CHD7: variants seen among roughly 807,000 people sequenced by gnomAD.
CHD7 encodes ATP-dependent chromatin remodeler CHD7.
Under a neutral mutation model 307.3 loss-of-function variants are expected in CHD7, and 24 were observed. That is an observed-to-expected ratio of 0.08 (90% CI 0.06 to 0.11). The LOEUF (loss-of-function observed/expected upper bound fraction) is 0.11, where lower values mean the gene tolerates loss of function less well. CHD7 is among the 10% of genes least tolerant of loss of function. The pLI, the probability that CHD7 is intolerant of heterozygous loss-of-function variation, is 1.00. For synonymous variants in CHD7, 1,363 were observed against 1,349.9 expected, an observed-to-expected ratio of 1.01 and a Z score of -0.21; for missense variants, 3,106 against 3,727.1, an observed-to-expected ratio of 0.83 and a Z score of 4.34.
Position 60,830,651 on chromosome 8 carries a change from G to T in CHD7, c.3778+74G>T. The T allele has an allele frequency of 1.3e-6, 2 of 1,532,930 alleles. 1 individual carries two copies. Among genetic ancestry groups the T allele is most frequent in the South Asian group, 2.4e-5 (2 of 82,986 alleles). 95.0% of individuals were successfully genotyped at this position (1,532,930 alleles called of 1,614,324 possible). On this transcript the variant is annotated intron_variant, in intron 15 of 37. Coordinates refer to ENST00000423902, the MANE Select transcript of CHD7 (RefSeq NM_017780.4). ...AGAAATCCCTTTCTGCCCCCAGACT[G>T]GGGATTTCATGGTGTATAGTCATTC...
intron 35 of CHD7, 66 bp downstream of exon 35, chr8:60,861,191 C>T (rs543514870): frequency 3.6e-5 from 44 of 1,225,004 alleles, no homozygotes; most frequent in Non-Finnish European, 4.6e-5. Context: ...TCCCTTACAA[C>T]ATAGAAATCC....
intron 6 of CHD7, among the ~76,000 whole-genome samples, chr8:60,805,298 G>A (rs1586358772): frequency 6.6e-6 from 1 of 152,156 alleles, no homozygotes. Context: ...TATATGAAAG[G>A]AACGGTGAAA....
At chr8:60,721,517 G>A (rs1350683444) in intron 1 of CHD7, among the ~76,000 whole-genome samples, 15 of 152,220 alleles carry the variant, frequency 9.9e-5, no homozygotes, top group Admixed American at 9.8e-4. Context: ...GAGATTGTTG[G>A]AGAACCACAG....
intron 1 of CHD7, among the ~76,000 whole-genome samples, chr8:60,740,601 AT>A (rs1052310193): frequency 2.6e-5 from 4 of 152,250 alleles, no homozygotes; most frequent in African/African-American, 9.6e-5. Context: ...ACATAATGAA[AT>A]TATGAATTTA....
chr8:60,684,241 C>T (rs1805769033), intron 1 of CHD7, among the ~76,000 whole-genome samples: 1 of 152,198 alleles, frequency 6.6e-6, no homozygotes, highest in African/African-American at 2.4e-5. Context: ...GAATCTAAGG[C>T]ACTTTTTAAA....
chr8:60,782,294 C>T (rs1177489905), intron 3 of CHD7, among the ~76,000 whole-genome samples: 1 of 152,176 alleles, frequency 6.6e-6, no homozygotes, highest in East Asian at 1.9e-4. Context: ...CTCATGTGCA[C>T]GTGTAAACAC....
At chr8:60,780,612 T>C (rs569532448) in intron 2 of CHD7, among the ~76,000 whole-genome samples, 29 of 152,234 alleles carry the variant, frequency 1.9e-4, no homozygotes, top group Non-Finnish European at 4.0e-4. Context: ...TTATTTGAGC[T>C]CCCATTCCCA....
chr8:60,862,120 A>C (rs960785015), intron 35 of CHD7, 76 bp from the exon 36 acceptor site: 14 of 1,090,224 alleles, frequency 1.3e-5, no homozygotes, highest in African/African-American at 6.4e-5. Flanking sequence ...ATGATCTGAC[A>C]GTTCTCTTTG....
chr8:60,788,526 T>G (rs1444716072), intron 3 of CHD7, among the ~76,000 whole-genome samples: 1 of 152,232 alleles, frequency 6.6e-6, no homozygotes, highest in Non-Finnish European at 1.5e-5. Context: ...AAAACAGAAT[T>G]CTTCCCTCTT....
chr8:60,795,841 CAG>C (rs1812002928), intron 4 of CHD7, among the ~76,000 whole-genome samples: 1 of 152,138 alleles, frequency 6.6e-6, no homozygotes, highest in African/African-American at 2.4e-5. Context: ...GGAAGCATGC[CAG>C]TGTGGTCCAC....
At chr8:60,845,515 G>C (rs1309258458) in intron 23 of CHD7, 106 bp downstream of exon 23, 10 of 1,298,832 alleles carry the variant, frequency 7.7e-6, no homozygotes, top group Non-Finnish European at 1.1e-5. Context: ...TCGCAGATTT[G>C]GAGGGTCAAC....
intron 32 of CHD7, 44 bp from the exon 33 acceptor site, chr8:60,855,931 C>A: frequency 7.6e-7 from 1 of 1,318,716 alleles, no homozygotes; most frequent in Non-Finnish European, 1.1e-6. Context: ...TAATTTTAAC[C>A]AGGGCTTTGT....
At chr8:60,819,052 C>G (rs1803892795) in intron 8 of CHD7, among the ~76,000 whole-genome samples, 1 of 152,164 alleles carries the variant, frequency 6.6e-6, no homozygotes, top group African/African-American at 2.4e-5. Context: ...CTCCCGGGTT[C>G]AGGCGATTCT....
chr8:60,830,793 A>G (rs1804476612), intron 15 of CHD7, among the ~76,000 whole-genome samples: 1 of 152,084 alleles, frequency 6.6e-6, no homozygotes, highest in African/African-American at 2.4e-5. Context: ...GTGGAATCTC[A>G]CCTTGCCTTT....
In CHD7 at chr8:60,867,361, C is replaced by G. The variant is rs1378218804; in HGVS notation, c.*1428C>G. 2 of 152,194 alleles carry G rather than the reference C, an allele frequency of 1.3e-5. No individual in the cohort carries two copies. Among genetic ancestry groups the G allele is most frequent in the Non-Finnish European group, 1.5e-5 (1 of 68,042 alleles). 9.4% of individuals were successfully genotyped at this position (152,194 alleles called of 1,614,324 possible). A position where few individuals can be genotyped will look rare whatever the true frequency, so the allele number is the denominator to read the frequency against. ...CTCTGGTGTCCTGCAGACCAGCGCT[C>G]GATGCCAGAAACCAGTGTGTGGAAA... On this transcript the variant is annotated 3_prime_UTR_variant, in exon 38 of 38. Coordinates refer to ENST00000423902, the MANE Select transcript of CHD7 (RefSeq NM_017780.4).
chr8:60,735,498 A>G (rs1808658304), intron 1 of CHD7, among the ~76,000 whole-genome samples: 1 of 152,174 alleles, frequency 6.6e-6, no homozygotes, highest in Non-Finnish European at 1.5e-5. Context: ...TTTTTTCTAA[A>G]TCTTTTTCTG....
chr8:60,685,837 T>C (rs1805856477), intron 1 of CHD7, among the ~76,000 whole-genome samples: 1 of 152,236 alleles, frequency 6.6e-6, no homozygotes, highest in Admixed American at 6.5e-5. Context: ...TTTAATATTA[T>C]ATAAGAAAAA....
chr8:60,754,613 T>A (rs1425328491), intron 2 of CHD7, among the ~76,000 whole-genome samples: 1 of 152,218 alleles, frequency 6.6e-6, no homozygotes, highest in East Asian at 1.9e-4. Flanking sequence ...CATAATGTTT[T>A]GTAGGGGGGA....
intron 12 of CHD7, 140 bp from the exon 13 acceptor site, chr8:60,823,700 A>G (rs1804145513): frequency 1.4e-6 from 1 of 729,484 alleles, no homozygotes; most frequent in Admixed American, 2.8e-5. Flanking sequence ...TGCCAAAATA[A>G]CTTGAAAACA....
Sources: allele counts gnomAD v4.1 joint callset (sites outside exome capture counted in the v4.1 genomes callset), GRCh38; gene constraint gnomAD v4.1.1; transcripts MANE v1.5; gene names NCBI Gene and HGNC (gene_info 2026-07-23, HGNC 2026-07-21).